Variants in PRCP observed in about 807,000 individuals in gnomAD.
PRCP encodes the protein lysosomal Pro-X carboxypeptidase.
PRCP carries 46 observed loss-of-function variants against 54.2 expected under a neutral mutation model. The observed-to-expected ratio is 0.85, with a 90% CI of 0.67 to 1.09. The LOEUF is 1.09. Among genes scored for constraint, PRCP ranks in the 50% least tolerant of loss-of-function variants. The pLI, the probability that PRCP is intolerant of heterozygous loss-of-function variation, is 0.00. For missense variants in PRCP, 613 were observed against 596.8 expected (o/e 1.03, Z -0.28); for synonymous variants, 240 against 212.2 (o/e 1.13, Z -1.14).
chr11:82,879,463 A>G (rs1038632193), intron 1 of PRCP, among the ~76,000 whole-genome samples: 1 of 152,132 alleles, frequency 6.6e-6, no homozygotes, highest in African/African-American at 2.4e-5. Context: ...CTTCTTTGCG[A>G]TGGGTTCAAA....
intron 1 of PRCP, among the ~76,000 whole-genome samples, chr11:82,895,851 T>C (rs1860108175): frequency 6.6e-6 from 1 of 152,056 alleles, no homozygotes; most frequent in Non-Finnish European, 1.5e-5. Flanking sequence ...AGAACAGCAA[T>C]TGAAAGTGGA....
chr11:82,849,802 T>C, intron 5 of PRCP, 112 bp downstream of exon 5: 1 of 973,636 alleles, frequency 1.0e-6, no homozygotes, highest in Non-Finnish European at 1.4e-6. Flanking sequence ...TATAATTTTC[T>C]GTATGTACAT....
At chr11:82,838,280 T>G in intron 8 of PRCP, 107 bp downstream of exon 8, 1 of 1,056,812 alleles carries the variant, frequency 9.5e-7, no homozygotes, top group Non-Finnish European at 1.4e-6. Flanking sequence ...GTAGCACTGT[T>G]GTATTCTATG....
In PRCP at chr11:82,825,033, T is replaced by C. The variant is rs754719914; in HGVS notation, c.1364A>G (p.His455Arg). 47 of 1,613,982 alleles carry C rather than the reference T, an allele frequency of 2.9e-5. No homozygotes were observed. The highest frequency in any genetic ancestry group is 3.9e-5 in the Non-Finnish European group (46 of 1,179,986). ...LVAVTISEGA[H>R]HLDLRTKNAL... ...ATTCTTGGTGCGGAGATCTAAGTGG[T>C]GGGCCCCCTCTGAGATGGTGACTGC... Residue 455 changes from histidine to arginine, a missense_variant, in exon 9 of 9, where the codon CAC becomes CGC. Physicochemically the swap from His to Arg is conservative, Grantham distance 29. Transcript: ENST00000313010.
intron 6 of PRCP, chr11:82,839,724 C>A: frequency 2.9e-6 from 1 of 340,416 alleles, no homozygotes; most frequent in Non-Finnish European, 5.4e-6. Flanking sequence ...AACCATTCCC[C>A]ACCACACCAG....
intron 6 of PRCP, chr11:82,845,862 T>C (rs1591045265): frequency 6.6e-6 from 1 of 152,218 alleles, no homozygotes; most frequent in Non-Finnish European, 1.5e-5. Flanking sequence ...TCTTCTTCCT[T>C]GTGTTCTACC....
chr11:82,832,334 T>C (rs1411244530), intron 8 of PRCP, among the ~76,000 whole-genome samples: 1 of 152,208 alleles, frequency 6.6e-6, no homozygotes, highest in Non-Finnish European at 1.5e-5. Context: ...TATAAAAATC[T>C]TCCTATTTCC....
At position 82,838,465 on chromosome 11, in the gene PRCP, C is replaced by G; in HGVS notation, c.1196G>C (p.Gly399Ala). ...GATCCAGGAGGGCCTTGGTCTCACA[C>G]CCCACTGTTGAAAACAGTCATCAGA... ...ELSDDCFQQW[G>A]VRPRPSWITT... The change falls in exon 8 of 9, where the codon GGT becomes GCT. Residue 399 changes from glycine (G) to alanine (A), a missense_variant. Physicochemically the swap from Gly to Ala is moderately conservative, Grantham distance 60. Coordinates refer to ENST00000313010, the MANE Select transcript of PRCP (RefSeq NM_005040.4). The G allele has an allele frequency of 6.2e-7, 1 of 1,614,014 alleles. No individual in the cohort carries two copies. The highest frequency in any genetic ancestry group is 8.5e-7 in the Non-Finnish European group (1 of 1,179,910).
chr11:82,825,762 G>T (rs1034829840), intron 8 of PRCP: 2 of 152,182 alleles, frequency 1.3e-5, no homozygotes, highest in African/African-American at 4.8e-5. Flanking sequence ...CCGAAAATTT[G>T]GGCATTACAC....
intron 1 of PRCP, 56 bp downstream of exon 1, chr11:82,900,179 G>A: frequency 1.9e-6 from 3 of 1,591,886 alleles, no homozygotes; most frequent in Non-Finnish European, 2.6e-6. Flanking sequence ...CGGGCTCTGA[G>A]GGTCAGGGTT....
At chr11:82,877,412 C>T (rs1033301725) in intron 1 of PRCP, among the ~76,000 whole-genome samples, 1 of 152,170 alleles carries the variant, frequency 6.6e-6, no homozygotes, top group African/African-American at 2.4e-5. Flanking sequence ...ATGTCAGAGA[C>T]CACACGGCAG....
At chr11:82,845,668 T>C (rs765001737) in intron 6 of PRCP, 2 of 152,204 alleles carry the variant, frequency 1.3e-5, no homozygotes, top group African/African-American at 2.4e-5. Context: ...ATTATTTCAC[T>C]ATATCTATCT....
chr11:82,884,740 C>T (rs1160411164), intron 1 of PRCP: 5 of 1,592,294 alleles, frequency 3.1e-6, no homozygotes, highest in Non-Finnish European at 4.3e-6. Context: ...TCAGTGCCAT[C>T]TTGGCCATTT....
rs760816713 is a variant in PRCP, at chr11:82,850,012, A to T, written c.653T>A (p.Phe218Tyr). The T allele has an allele frequency of 7.1e-6, 11 of 1,558,156 alleles. No homozygotes were observed. The highest frequency in any genetic ancestry group is 1.4e-5 in the African/African-American group (1 of 72,286). ...AAAATCTGTAGTTACGATCTTCATA[A>T]ATACACCACAAGGTACTAAATCCTC... ...QFEDLVPCGV[F>Y]MKIVTTDFRK... Residue 218 changes from phenylalanine to tyrosine, a missense_variant, in exon 5 of 9, where the codon TTT (phenylalanine) becomes TAT (tyrosine). Physicochemically the swap from Phe to Tyr is conservative, Grantham distance 22. Coordinates refer to ENST00000313010, the MANE Select transcript of PRCP (RefSeq NM_005040.4).
At chr11:82,845,431 C>T (rs1018195529) in intron 6 of PRCP, among the ~76,000 whole-genome samples, 10 of 152,104 alleles carry the variant, frequency 6.6e-5, no homozygotes, top group Non-Finnish European at 1.0e-4. Context: ...AGAGCATGGT[C>T]CATCCACATT....
At chr11:82,900,043 T>C in intron 1 of PRCP, 192 bp downstream of exon 1, 1 of 675,940 alleles carries the variant, frequency 1.5e-6, no homozygotes, top group Non-Finnish European at 2.4e-6. Flanking sequence ...TACCAAATTA[T>C]TGGTAATGGG....
chr11:82,840,074 A>G (rs943862800), intron 6 of PRCP: 1 of 152,066 alleles, frequency 6.6e-6, no homozygotes, highest in Non-Finnish European at 1.5e-5. Flanking sequence ...TGCAAAATTT[A>G]TAAAATCTCG....
At chr11:82,834,805 T>C (rs761390153) in intron 8 of PRCP, among the ~76,000 whole-genome samples, 12 of 152,304 alleles carry the variant, frequency 7.9e-5, no homozygotes, top group Middle Eastern at 6.8e-3. Context: ...CCAGGCACAG[T>C]GGCTCATGCC....
chr11:82,894,911 A>G (rs1483192217), intron 1 of PRCP, among the ~76,000 whole-genome samples: 1 of 152,222 alleles, frequency 6.6e-6, no homozygotes, highest in Non-Finnish European at 1.5e-5. Flanking sequence ...ATAGAAAGAA[A>G]AATAGAAATA....
Sources: allele counts gnomAD v4.1 joint callset (sites outside exome capture counted in the v4.1 genomes callset), GRCh38; gene constraint gnomAD v4.1.1; transcripts MANE v1.5; gene names NCBI Gene and HGNC (gene_info 2026-07-23, HGNC 2026-07-21).